Variants in ZNF728 observed in about 807,000 individuals in gnomAD.
ZNF728 encodes the protein zinc finger protein 728.
A neutral mutation model predicts 12.5 loss-of-function variants in ZNF728; 12 were observed. The observed-to-expected ratio is 0.96, with a 90% CI of 0.61 to 1.55. The LOEUF (loss-of-function observed/expected upper bound fraction) is 1.55. ZNF728 is among the 40% of genes most tolerant of loss of function. The pLI is 0.00. For synonymous variants in ZNF728, 205 were observed against 240.7 expected (o/e 0.85, Z 1.37); for missense variants, 692 against 719.2 (o/e 0.96, Z 0.43).
chr19:22,990,308 T>C (rs539597420), intron 1 of ZNF728, among the ~76,000 whole-genome samples: 3 of 152,222 alleles, frequency 2.0e-5, no homozygotes, highest in African/African-American at 7.2e-5. Flanking sequence ...TCTAGGATTC[T>C]TTCTCAGATA....
intron 1 of ZNF728, among the ~76,000 whole-genome samples, chr19:22,991,665 C>A (rs930387233): frequency 3.9e-5 from 6 of 152,116 alleles, no homozygotes; most frequent in African/African-American, 1.4e-4. Context: ...ATGTTGAGCA[C>A]CAGCTCTAAA....
chr19:22,980,269 C>G (rs1039742934), intron 3 of ZNF728, among the ~76,000 whole-genome samples: 1 of 147,988 alleles, frequency 6.8e-6, no homozygotes, highest in African/African-American at 2.5e-5. Flanking sequence ...CAACAAAGAT[C>G]AAAAGAGACA....
At chr19:22,979,526 T>C (rs923190220) in intron 3 of ZNF728, among the ~76,000 whole-genome samples, 13 of 151,984 alleles carry the variant, frequency 8.6e-5, no homozygotes, top group African/African-American at 3.1e-4. Context: ...ACCACAAAGA[T>C]ACTACTCGAG....
chr19:22,997,607 T>C (rs1969062369), intron 1 of ZNF728, among the ~76,000 whole-genome samples: 2 of 151,326 alleles, frequency 1.3e-5, no homozygotes, highest in Admixed American at 6.6e-5. Flanking sequence ...CTGAGAGCAG[T>C]AAAAGCAAAT....
chr19:22,989,049 C>A, intron 1 of ZNF728, among the ~76,000 whole-genome samples: 2 of 80,050 alleles, frequency 2.5e-5, no homozygotes, highest in Non-Finnish European at 4.3e-5. Context: ...GAAACTCCAT[C>A]TCAAAAAAAA....
intron 3 of ZNF728, among the ~76,000 whole-genome samples, chr19:22,982,883 T>C (rs1456983284): frequency 6.6e-6 from 1 of 152,108 alleles, no homozygotes; most frequent in Non-Finnish European, 1.5e-5. Flanking sequence ...CAGACTTAAA[T>C]GTAACACCCC....
chr19:22,979,065 C>T (rs151175017), intron 3 of ZNF728, among the ~76,000 whole-genome samples: 2,829 of 152,120 alleles, frequency 0.019, 87 homozygotes, highest in African/African-American at 0.064. Flanking sequence ...CAAACTCCTC[C>T]GAGCTAAAGG....
At chr19:22,983,683 A>AG (rs1968884297) in intron 3 of ZNF728, among the ~76,000 whole-genome samples, 1 of 152,232 alleles carries the variant, frequency 6.6e-6, no homozygotes, top group Admixed American at 6.5e-5. Flanking sequence ...GCCATAAAAA[A>AG]GGATGAGTCC....
intron 3 of ZNF728, among the ~76,000 whole-genome samples, chr19:22,986,372 A>C (rs1223565885): frequency 6.6e-6 from 1 of 151,412 alleles, no homozygotes; most frequent in East Asian, 1.9e-4. Flanking sequence ...TATAAAAAAA[A>C]CCATAAACAG....
chr19:22,988,489 G>A, intron 1 of ZNF728, 38 bp from the exon 2 acceptor site: 2 of 1,604,500 alleles, frequency 1.2e-6, no homozygotes, highest in Non-Finnish European at 1.7e-6. Context: ...TTACCAAGTG[G>A]TCATGGGCAG....
chr19:22,980,361 G>C (rs1405417437), intron 3 of ZNF728, among the ~76,000 whole-genome samples: 1 of 152,058 alleles, frequency 6.6e-6, no homozygotes, highest in Non-Finnish European at 1.5e-5. Context: ...CCCAATACAG[G>C]AGCACCTAGA....
intron 1 of ZNF728, among the ~76,000 whole-genome samples, chr19:23,001,983 T>TA (rs1269087499): frequency 6.6e-6 from 1 of 152,150 alleles, no homozygotes; most frequent in African/African-American, 2.4e-5. Context: ...GGCTGGCAGT[T>TA]AGACTGAGGA....
intron 3 of ZNF728, among the ~76,000 whole-genome samples, chr19:22,984,138 A>G (rs1015090219): frequency 2.6e-5 from 4 of 152,210 alleles, no homozygotes; most frequent in Non-Finnish European, 4.4e-5. Context: ...CTCATACAAC[A>G]TATTTCTTGA....
intron 1 of ZNF728, among the ~76,000 whole-genome samples, chr19:22,992,075 G>A (rs561171782): frequency 6.6e-6 from 1 of 152,174 alleles, no homozygotes; most frequent in South Asian, 2.1e-4. Flanking sequence ...TTCAGCTGTA[G>A]ACATCAGAAG....
intron 1 of ZNF728, among the ~76,000 whole-genome samples, chr19:23,000,574 CTG>C (rs1179612178): frequency 6.6e-6 from 1 of 151,970 alleles, no homozygotes; most frequent in Non-Finnish European, 1.5e-5. Context: ...AGTTAAAAAA[CTG>C]AGGTCAGCCG....
At chr19:22,987,959 G>A (rs537972655) in intron 2 of ZNF728, among the ~76,000 whole-genome samples, 1 of 152,272 alleles carries the variant, frequency 6.6e-6, no homozygotes, top group East Asian at 1.9e-4. Flanking sequence ...ATTCGCTTCT[G>A]CTCCTGCCGC....
intron 1 of ZNF728, among the ~76,000 whole-genome samples, chr19:22,998,314 G>GT (rs1969070495): frequency 6.6e-6 from 1 of 150,848 alleles, no homozygotes; most frequent in African/African-American, 2.5e-5. Context: ...GAGCTCAGGA[G>GT]TTTGAGACCG....
intron 3 of ZNF728, among the ~76,000 whole-genome samples, chr19:22,981,566 CACA>C (rs924860821): frequency 7.2e-5 from 11 of 152,106 alleles, no homozygotes; most frequent in South Asian, 4.1e-4. Flanking sequence ...CTGGCAGAGA[CACA>C]ACAACAACAG....
At chr19:23,001,645 T>C (rs1221318616) in intron 1 of ZNF728, among the ~76,000 whole-genome samples, 4 of 152,138 alleles carry the variant, frequency 2.6e-5, no homozygotes, top group Non-Finnish European at 5.9e-5. Flanking sequence ...CCCAAAAACA[T>C]TGTGATATCT....
Sources: gnomAD v4.1 joint callset for allele counts (sites outside exome capture counted in the v4.1 genomes callset) on GRCh38, gnomAD v4.1.1 for gene constraint, MANE v1.5 for transcripts, NCBI Gene and HGNC (gene_info 2026-07-23, HGNC 2026-07-21) for gene names.